ATG5: variants seen among roughly 807,000 people sequenced by gnomAD.
ATG5 encodes autophagy protein 5.
A neutral mutation model predicts 36.5 loss-of-function variants in ATG5; 14 were observed. The ratio of observed to expected loss-of-function variants is 0.38; its 90% confidence interval spans 0.25 to 0.60. The LOEUF (loss-of-function observed/expected upper bound fraction) is 0.60, where lower values mean the gene tolerates loss of function less well. Ranked by LOEUF, ATG5 falls within the 20% of genes least tolerant of loss-of-function variation. ATG5 has a pLI of 0.60. For synonymous variants in ATG5, 95 were observed against 101.5 expected, an observed-to-expected ratio of 0.94 and a Z score of 0.38; for missense variants, 195 against 326.7, an observed-to-expected ratio of 0.60 and a Z score of 3.11.
chr6:106,203,680 G>C (rs1372201272), intron 6 of ATG5, among the ~76,000 whole-genome samples: 1 of 152,140 alleles, frequency 6.6e-6, no homozygotes, highest in African/African-American at 2.4e-5. Flanking sequence ...CAACCCCCAA[G>C]TTGCAATCCT....
chr6:106,222,326 G>A (rs1289039265), intron 6 of ATG5, among the ~76,000 whole-genome samples: 6 of 152,190 alleles, frequency 3.9e-5, no homozygotes, highest in African/African-American at 1.4e-4. Flanking sequence ...TATACTACAT[G>A]CATGAGCATG....
At chr6:106,200,771 C>T (rs913182232) in intron 7 of ATG5, among the ~76,000 whole-genome samples, 1 of 152,182 alleles carries the variant, frequency 6.6e-6, no homozygotes, top group African/African-American at 2.4e-5. Flanking sequence ...AGCCACCACA[C>T]CCGACCAACT....
At chr6:106,295,564 AT>A (rs71549459) in intron 3 of ATG5, among the ~76,000 whole-genome samples, 2,063 of 142,068 alleles carry the variant, frequency 0.015, 16 homozygotes, top group East Asian at 0.056. Context: ...AAATCAAGTA[AT>A]TTTTTTTTTT....
intron 6 of ATG5, among the ~76,000 whole-genome samples, chr6:106,225,597 G>A (rs1049223928): frequency 6.6e-6 from 1 of 152,154 alleles, no homozygotes; most frequent in East Asian, 1.9e-4. Flanking sequence ...TAATAGCAGA[G>A]TGAGGACCCT....
intron 7 of ATG5, among the ~76,000 whole-genome samples, chr6:106,191,139 A>C (rs1226119612): frequency 1.3e-5 from 2 of 152,186 alleles, no homozygotes; most frequent in Admixed American, 1.3e-4. Flanking sequence ...GAATATATAC[A>C]TATATATGAG....
At chr6:106,219,000 A>C (rs1777144401) in intron 6 of ATG5, among the ~76,000 whole-genome samples, 3 of 150,384 alleles carry the variant, frequency 2.0e-5, no homozygotes, top group South Asian at 2.1e-4. Flanking sequence ...AGAAAAATGT[A>C]AAGAAAAAAA....
intron 1 of ATG5, among the ~76,000 whole-genome samples, chr6:106,322,983 A>C (rs1202508959): frequency 6.6e-6 from 1 of 151,622 alleles, no homozygotes; most frequent in Non-Finnish European, 1.5e-5. Context: ...GCAGTGGCGC[A>C]ATCTCGGCTC....
chr6:106,221,685 C>CAAAA (rs11442463), intron 6 of ATG5, among the ~76,000 whole-genome samples: 5 of 70,782 alleles, frequency 7.1e-5, no homozygotes, highest in South Asian at 5.1e-4. Context: ...GACCCTGTCT[C>CAAAA]AAAAAAAAAA....
At chr6:106,239,480 T>C (rs991272094) in intron 6 of ATG5, among the ~76,000 whole-genome samples, 13 of 152,196 alleles carry the variant, frequency 8.5e-5, no homozygotes, top group Non-Finnish European at 1.6e-4. Context: ...GAATAAGTGA[T>C]TTTAAAAGTC....
At chr6:106,261,862 T>C (rs1236790127) in intron 5 of ATG5, among the ~76,000 whole-genome samples, 1 of 152,170 alleles carries the variant, frequency 6.6e-6, no homozygotes, top group Non-Finnish European at 1.5e-5. Context: ...TACTGGCATC[T>C]AGTCTGTAGA....
At chr6:106,206,691 T>C (rs1049921059) in intron 6 of ATG5, among the ~76,000 whole-genome samples, 9 of 150,676 alleles carry the variant, frequency 6.0e-5, no homozygotes, top group Non-Finnish European at 1.2e-4. Flanking sequence ...TATTTTGGTA[T>C]AGCAGCCCAA....
chr6:106,261,145 A>G (rs1299282336), intron 5 of ATG5, among the ~76,000 whole-genome samples: 2 of 152,248 alleles, frequency 1.3e-5, no homozygotes. Flanking sequence ...ATGCAGAGAT[A>G]GATCAAGTGA....
At chr6:106,305,931 T>C (rs1461413334) in intron 3 of ATG5, among the ~76,000 whole-genome samples, 2 of 152,234 alleles carry the variant, frequency 1.3e-5, no homozygotes, top group Non-Finnish European at 2.9e-5. Context: ...TTTATGGCTC[T>C]GGAAGTTATT....
intron 5 of ATG5, among the ~76,000 whole-genome samples, chr6:106,269,913 G>A (rs1358495208): frequency 6.6e-6 from 1 of 152,256 alleles, no homozygotes; most frequent in African/African-American, 2.4e-5. Flanking sequence ...AGGCAGAGGA[G>A]ACGCCGAGAG....
chr6:106,303,056 A>C (rs1193245797), intron 3 of ATG5, among the ~76,000 whole-genome samples: 3 of 152,056 alleles, frequency 2.0e-5, no homozygotes, highest in Non-Finnish European at 4.4e-5. Context: ...CTTTTCAAGA[A>C]ACTAGAAAAA....
chr6:106,285,903 C>T (rs1298375350), intron 4 of ATG5, among the ~76,000 whole-genome samples: 1 of 152,192 alleles, frequency 6.6e-6, no homozygotes, highest in East Asian at 1.9e-4. Context: ...CCAACTCCTG[C>T]TCTGATGTAT....
At chr6:106,315,205 G>C (rs55939014) in intron 2 of ATG5, among the ~76,000 whole-genome samples, 3,749 of 152,288 alleles carry the variant, frequency 0.025, 65 homozygotes, top group African/African-American at 0.049. Flanking sequence ...AGAGAGATGA[G>C]GGGGAAAGCA....
intron 1 of ATG5, among the ~76,000 whole-genome samples, chr6:106,320,386 A>T (rs903609706): frequency 8.5e-5 from 13 of 152,220 alleles, no homozygotes; most frequent in Admixed American, 2.6e-4. Flanking sequence ...AAAGATGACA[A>T]ATATTCTAAC....
chr6:106,258,448 G>T (rs1398492304), intron 5 of ATG5, among the ~76,000 whole-genome samples: 1 of 152,106 alleles, frequency 6.6e-6, no homozygotes, highest in African/African-American at 2.4e-5. Flanking sequence ...AAAGCTGTTG[G>T]TTCTCATTAC....
Sources: allele counts gnomAD v4.1 joint callset (sites outside exome capture counted in the v4.1 genomes callset), GRCh38; gene constraint gnomAD v4.1.1; transcripts MANE v1.5; gene names NCBI Gene and HGNC (gene_info 2026-07-23, HGNC 2026-07-21).